The following EDNRA variants were observed in gnomAD, a reference collection of about 807,000 sequenced individuals.
EDNRA encodes the protein endothelin receptor type A, also known as endothelin-1 receptor.
In EDNRA, 11 loss-of-function variants were observed where a neutral mutation model predicts 41.4. That is an observed-to-expected ratio of 0.27 (90% CI 0.17 to 0.44). EDNRA has a LOEUF of 0.44. Among genes scored for constraint, EDNRA ranks in the 20% least tolerant of loss-of-function variants. The pLI is 1.00. For missense variants in EDNRA, 294 were observed against 531.0 expected, an observed-to-expected ratio of 0.55 and a Z score of 4.39; for synonymous variants, 172 against 183.0, an observed-to-expected ratio of 0.94 and a Z score of 0.49.
intron 2 of EDNRA, among the ~76,000 whole-genome samples, chr4:147,517,340 A>AACTAC (rs1346750988): frequency 6.6e-6 from 1 of 152,176 alleles, no homozygotes; most frequent in East Asian, 1.9e-4. Flanking sequence ...GGACACTTTG[A>AACTAC]ATGTAGGACT....
chr4:147,540,840 C>A (rs1731074394), intron 7 of EDNRA, among the ~76,000 whole-genome samples: 1 of 151,948 alleles, frequency 6.6e-6, no homozygotes, highest in Admixed American at 6.6e-5. Flanking sequence ...AAAGTCTTGA[C>A]AAAATATAAG....
chr4:147,505,651 T>G lies in EDNRA; in HGVS notation c.421-14200T>G, dbSNP rs556282608. 6.1e-5 allele frequency among the ~76,000 whole-genome samples: 9 copies of G among 147,084 alleles called. No homozygotes were observed. In the South Asian group the frequency reaches 1.8e-3, roughly 29 times the overall value. On this transcript the variant is annotated intron_variant, in intron 2 of 7. Coordinates refer to ENST00000651419, the MANE Select transcript of EDNRA (RefSeq NM_001957.4). ...GCCACCCTGCCCCGCCGGCAGTTTT[T>G]TTTTTTTTTTTTTTTTAGACAGAGT...
chr4:147,533,737 T>C (rs1730828234), intron 4 of EDNRA, among the ~76,000 whole-genome samples: 2 of 152,176 alleles, frequency 1.3e-5, no homozygotes, highest in Admixed American at 6.5e-5. Flanking sequence ...GAATAAGCAA[T>C]CTAGATATTC....
intron 3 of EDNRA, among the ~76,000 whole-genome samples, chr4:147,522,830 C>T (rs981659313): frequency 2.0e-5 from 3 of 152,124 alleles, no homozygotes; most frequent in East Asian, 1.9e-4. Flanking sequence ...CAGGAGGTCC[C>T]GAGAACCTGT....
chr4:147,535,452 A>G (rs1041107251), intron 4 of EDNRA, among the ~76,000 whole-genome samples: 1 of 152,232 alleles, frequency 6.6e-6, no homozygotes, highest in Non-Finnish European at 1.5e-5. Context: ...TTTCACCACA[A>G]TAGTCAAAAG....
chr4:147,483,463 T>A (rs1014197709), intron 1 of EDNRA, among the ~76,000 whole-genome samples: 5 of 152,180 alleles, frequency 3.3e-5, no homozygotes, highest in African/African-American at 1.2e-4. Flanking sequence ...TATAATAAGT[T>A]ACTATATGTA....
At chr4:147,529,453 C>G (rs1730671047) in intron 3 of EDNRA, among the ~76,000 whole-genome samples, 1 of 152,170 alleles carries the variant, frequency 6.6e-6, no homozygotes, top group Non-Finnish European at 1.5e-5. Flanking sequence ...CGTCTGAGCA[C>G]TAAGCCCTCA....
chr4:147,486,170 C>T lies in EDNRA; in HGVS notation c.420+69C>T. On this transcript the variant is annotated intron_variant, in intron 2 of 7. Coordinates refer to ENST00000651419, the MANE Select transcript of EDNRA (RefSeq NM_001957.4). The surrounding 1 kb of genome is among the most constrained non-coding windows in gnomAD (Gnocchi z 4.3). ...TCTGATTCCACGTGGAGAGTTGCTG[C>T]AGACTTTTCTGACCTTTGGAATTTT... The T allele has an allele frequency of 6.6e-7, 1 of 1,507,146 alleles. No individual in the cohort carries two copies. The highest frequency in any genetic ancestry group is 2.3e-5 in the East Asian group (1 of 43,666). The allele number at this position is 1,507,146 out of a possible 1,614,324, so 93.4% of individuals were successfully genotyped here. A position where few individuals can be genotyped will look rare whatever the true frequency, so the allele number is the denominator to read the frequency against.
At chr4:147,525,595 C>CAAAAAAAA (rs58331044) in intron 3 of EDNRA, among the ~76,000 whole-genome samples, 3 of 132,386 alleles carry the variant, frequency 2.3e-5, no homozygotes, top group African/African-American at 5.5e-5. Flanking sequence ...TGTTTGGAGG[C>CAAAAAAAA]AAAAAAAAAA....
chr4:147,497,149 CTTTTTTTTTT>C (rs11330586), intron 2 of EDNRA, among the ~76,000 whole-genome samples: 40 of 75,056 alleles, frequency 5.3e-4, no homozygotes, highest in African/African-American at 2.0e-3. Flanking sequence ...TAGAATTCTT[CTTTTTTTTTT>C]TTTTTTTTTT....
At chr4:147,532,342 A>AAAAG in intron 3 of EDNRA, among the ~76,000 whole-genome samples, 164 bp from the exon 4 acceptor site, 1 of 150,788 alleles carries the variant, frequency 6.6e-6, no homozygotes, top group African/African-American at 2.4e-5. Flanking sequence ...AAAAAAAAAA[A>AAAAG]AAAAAAAACC....
At chr4:147,529,902 G>A (rs901684694) in intron 3 of EDNRA, among the ~76,000 whole-genome samples, 1 of 152,126 alleles carries the variant, frequency 6.6e-6, no homozygotes, top group African/African-American at 2.4e-5. Flanking sequence ...CTTATCTCAT[G>A]GAGATGTTAT....
chr4:147,528,434 T>C (rs1730631962), intron 3 of EDNRA, among the ~76,000 whole-genome samples: 1 of 150,962 alleles, frequency 6.6e-6, no homozygotes, highest in Non-Finnish European at 1.5e-5. Context: ...CAGGGATCGC[T>C]GCAGGCTCAA....
intron 7 of EDNRA, 58 bp from the exon 8 acceptor site, chr4:147,542,420 G>A: frequency 6.2e-7 from 1 of 1,609,796 alleles, no homozygotes; most frequent in Non-Finnish European, 8.5e-7. Flanking sequence ...GGGCCGCTGT[G>A]TTTGGCCGGG....
intron 2 of EDNRA, chr4:147,506,222 T>C: frequency 3.8e-6 from 2 of 521,118 alleles, no homozygotes; most frequent in Non-Finnish European, 7.7e-6. Flanking sequence ...CAAATATTCA[T>C]GATATTGGCC....
chr4:147,535,771 A>C, intron 4 of EDNRA, 106 bp from the exon 5 acceptor site: 1 of 1,370,482 alleles, frequency 7.3e-7, no homozygotes, highest in Admixed American at 2.1e-5. Flanking sequence ...ATGATTTTAC[A>C]GATGTATCTG....
Position 147,544,624 on chromosome 4 carries a change from T to C in EDNRA, c.*2006T>C, listed in dbSNP as rs1418189119. The stretch of plus-strand genomic sequence containing the variant: ...TTAGCAGTCAAATCTATTATTCCAC[T>C]GGCGCATCATATGCAGTGATATATG... On this transcript the variant is annotated 3_prime_UTR_variant, in exon 8 of 8. Transcript: ENST00000651419. 1 of 152,498 alleles carries C rather than the reference T, an allele frequency of 6.6e-6. No homozygotes were observed. The highest frequency in any genetic ancestry group is 1.9e-4 in the East Asian group (1 of 5,204). The allele number at this position is 152,498 out of a possible 1,614,324, so 9.4% of individuals were successfully genotyped here.
chr4:147,486,736 T>TCC lies in EDNRA; in HGVS notation c.420+636_420+637dup, dbSNP rs1248767425. On this transcript the variant is annotated intron_variant, in intron 2 of 7. Transcript: ENST00000651419. This position sits in a 1 kb window ranked among gnomAD's most constrained non-coding sequence, Gnocchi z 4.3. ...AAAATTTGCCTGCTTTACTGTGGTC[T>TCC]CCTTCATTTCTTCAGTCTGCATTTA... is the stretch of plus-strand genomic sequence containing the variant. Among the ~76,000 whole-genome samples, 1 of 152,070 alleles carries TCC rather than the reference T, an allele frequency of 6.6e-6. No individual in the cohort carries two copies. Among genetic ancestry groups the TCC allele is most frequent in the Non-Finnish European group, 1.5e-5 (1 of 68,006 alleles).
chr4:147,532,916 G>T (rs1730798028), intron 4 of EDNRA, among the ~76,000 whole-genome samples: 1 of 151,982 alleles, frequency 6.6e-6, no homozygotes, highest in African/African-American at 2.4e-5. Context: ...ATACCACAAT[G>T]GTAGACATAT....
Sources: allele counts gnomAD v4.1 joint callset (sites outside exome capture counted in the v4.1 genomes callset), GRCh38; gene constraint gnomAD v4.1.1; non-coding constraint Gnocchi (gnomAD v3.1); transcripts MANE v1.5; gene names NCBI Gene and HGNC (gene_info 2026-07-23, HGNC 2026-07-21).